Variants in HEATR1 observed in about 807,000 individuals in gnomAD.
The protein encoded by HEATR1 is HEAT repeat-containing protein 1.
Under a neutral mutation model 248.2 loss-of-function variants are expected in HEATR1, and 77 were observed. That is an observed-to-expected ratio of 0.31 (90% confidence interval 0.26 to 0.37). The LOEUF is 0.37. Among genes scored for constraint, HEATR1 ranks in the 10% least tolerant of loss-of-function variants. The pLI is 1.00. For missense variants in HEATR1, 2,420 were observed against 2,504.9 expected (o/e 0.97, Z 0.72); for synonymous variants, 897 against 923.1 (o/e 0.97, Z 0.51).
Position 236,597,965 on chromosome 1 carries a change from C to T in HEATR1, c.516G>A (p.Pro172=), listed in dbSNP as rs149502531. The T allele has an allele frequency of 2.2e-4, 354 of 1,611,814 alleles. 1 individual carries two copies. Among genetic ancestry groups the T allele is most frequent in the Admixed American group, 6.2e-4 (37 of 59,832 alleles). Residue 172 remains proline, a synonymous_variant, in exon 5 of 45, where the codon CCG becomes CCA. Transcript: ENST00000366582. ...GGGTAATCAAAGTTCCTTTAGCTAACGGCACTCCAGATTGCTGTTATTGAT... is the reference window on the plus strand; with the variant it reads ...GGGTAATCAAAGTTCCTTTAGCTAATGGCACTCCAGATTGCTGTTATTGAT... ...WLLPVKQSGV[P]LAKGTLITHC...
chr1:236,588,388 C>T (rs1663948661), intron 12 of HEATR1, among the ~76,000 whole-genome samples: 1 of 152,162 alleles, frequency 6.6e-6, no homozygotes, highest in Admixed American at 6.5e-5. Flanking sequence ...AATTTAAATC[C>T]TAGCTCTACC....
Position 236,582,884 on chromosome 1 carries a change from T to C in HEATR1, c.2426-12A>G, listed in dbSNP as rs1663790147. 15 of 1,613,482 alleles carry C rather than the reference T, an allele frequency of 9.3e-6. No individual in the cohort carries two copies. The highest frequency in any genetic ancestry group is 3.3e-5 in the South Asian group (3 of 91,078). ...CCACCATATATCACCTACAAGGACA[T>C]GGAAAGAGAAATGATGCTAGATCCT... On this transcript the variant is annotated splice_polypyrimidine_tract_variant and intron_variant, in intron 18 of 44. Transcript: ENST00000366582.
rs1034127075 is a variant in HEATR1, at chr1:236,571,741, T to A, written c.3708-55A>T. 8 of 1,300,452 alleles carry A rather than the reference T, an allele frequency of 6.2e-6. No homozygotes were observed. The East Asian group carries it at 1.8e-4, about 30-fold the overall frequency. The allele number at this position is 1,300,452 out of a possible 1,614,324, so 80.6% of individuals were successfully genotyped here. On this transcript the variant is annotated intron_variant, in intron 26 of 44. Transcript: ENST00000366582. ...GAAATGTAAAAGTTGTACAATTCAT[T>A]GTTACATTAATGGCCATTGTCCAGA... is the stretch of plus-strand genomic sequence containing the variant.
intron 19 of HEATR1, 70 bp from the exon 20 acceptor site, chr1:236,581,484 A>G (rs1307173979): frequency 3.7e-6 from 4 of 1,089,550 alleles, no homozygotes; most frequent in Non-Finnish European, 3.9e-6. Context: ...TCCTCTTCTC[A>G]CTAGTGTACA....
chr1:236,581,486 T>A, intron 19 of HEATR1, 72 bp from the exon 20 acceptor site: 1 of 1,058,002 alleles, frequency 9.5e-7, no homozygotes, highest in Non-Finnish European at 1.3e-6. Context: ...CTCTTCTCAC[T>A]AGTGTACAAT....
At position 236,596,862 on chromosome 1, in the gene HEATR1, CGAT is replaced by C. The variant is rs1664191018; in HGVS notation, c.715_717del (p.Ile239del). ...TTTTGGATATAGGGAAATAGTTTGG[CGAT>C]GATATTGTCTGATACGTCCTCTGCA... On this transcript the variant is annotated inframe_deletion, in exon 6 of 45. Transcript: ENST00000366582. 2 of 1,613,448 alleles carry C rather than the reference CGAT, an allele frequency of 1.2e-6. No individual in the cohort carries two copies. The highest frequency in any genetic ancestry group is 2.2e-5 in the East Asian group (1 of 44,854).
chr1:236,579,663 T>A (rs1331556438), intron 20 of HEATR1, among the ~76,000 whole-genome samples: 3 of 152,096 alleles, frequency 2.0e-5, no homozygotes, highest in Non-Finnish European at 2.9e-5. Context: ...CAAATATAAC[T>A]AGAAAAACCT....
rs1399502102 is a variant in HEATR1 at position 236,597,895 on chromosome 1, C to T, written c.586G>A (p.Val196Met). 3.7e-6 allele frequency: 6 copies of T among 1,612,994 alleles called. No individual in the cohort carries two copies. Among genetic ancestry groups the T allele is most frequent in the Non-Finnish European group, 4.2e-6 (5 of 1,179,350 alleles). ...CTGCTCACCTTCACAGATTTTGTCA[C>T]CAAACTGCAAATGAAATCCATGAAT... ...LGFMDFICSL[V>M]TKSVKVFAEY... Residue 196 changes from valine to methionine, a missense_variant, in exon 5 of 45, where the codon GTG (valine) becomes ATG (methionine). Val to Met is a conservative substitution (Grantham distance 21). Coordinates refer to ENST00000366582, the MANE Select transcript of HEATR1 (RefSeq NM_018072.6).
In HEATR1 at chr1:236,604,107, G is replaced by A; in HGVS notation, c.-12C>T. The stretch of plus-strand genomic sequence containing the variant: ...GCTAAGGACGTCATCTTTCACGCCA[G>A]CGGAGTTTTAATGACACGGGCTAAA... On this transcript the variant is annotated 5_prime_UTR_variant, in exon 2 of 45. Transcript: ENST00000366582. 6 of 1,549,340 alleles carry A rather than the reference G, an allele frequency of 3.9e-6. No individual in the cohort carries two copies. The highest frequency in any genetic ancestry group is 4.3e-6 in the Non-Finnish European group (5 of 1,155,934).
At position 236,587,476 on chromosome 1, in the gene HEATR1, G is replaced by A. The variant is rs367739362; in HGVS notation, c.1641C>T (p.His547=). Residue 547 remains histidine (H), a synonymous_variant, in exon 14 of 45, where the codon CAC becomes CAT. Transcript: ENST00000366582. The part of the protein sequence containing the change: ...AISAFEIFKE[H]FSSEVTISNL... Reference sequence around the variant, plus strand: ...TTGAAATCGTCACTTCTGAACTGAAGTGTTCTTTGAAAATCTAAAGGGAAA... The same window carrying A: ...TTGAAATCGTCACTTCTGAACTGAAATGTTCTTTGAAAATCTAAAGGGAAA... 1 of 1,514,336 alleles carries A rather than the reference G, an allele frequency of 6.6e-7. No homozygotes were observed. The highest frequency in any genetic ancestry group is 8.9e-7 in the Non-Finnish European group (1 of 1,122,904). 93.8% of individuals were successfully genotyped at this position (1,514,336 alleles called of 1,614,324 possible).
At chr1:236,576,145 C>A in intron 22 of HEATR1, 74 bp downstream of exon 22, 1 of 1,172,822 alleles carries the variant, frequency 8.5e-7, no homozygotes, top group Non-Finnish European at 1.2e-6. Flanking sequence ...CAATTGTCTT[C>A]TTCACCCACA....
intron 32 of HEATR1, among the ~76,000 whole-genome samples, chr1:236,562,634 G>T (rs970804491): frequency 6.6e-6 from 1 of 152,096 alleles, no homozygotes; most frequent in Admixed American, 6.5e-5. Flanking sequence ...TTACAGTTTG[G>T]TATCAATGTA....
intron 32 of HEATR1, 52 bp from the exon 33 acceptor site, chr1:236,561,323 G>A: frequency 7.3e-7 from 1 of 1,372,502 alleles, no homozygotes; most frequent in Non-Finnish European, 1.0e-6. Flanking sequence ...AATAATAAAA[G>A]TCATTTCAAG....
At chr1:236,559,900 C>G (rs987778810) in intron 33 of HEATR1, 63 bp from the exon 34 acceptor site, 6 of 1,455,052 alleles carry the variant, frequency 4.1e-6, no homozygotes, top group Non-Finnish European at 4.6e-6. Context: ...TTGTTCATGT[C>G]TACCTTATGC....
intron 14 of HEATR1, among the ~76,000 whole-genome samples, chr1:236,587,141 A>G (rs1447525071): frequency 6.6e-6 from 1 of 152,132 alleles, no homozygotes; most frequent in Non-Finnish European, 1.5e-5. Context: ...ACTTCCCAGA[A>G]TGCAATATCA....
intron 12 of HEATR1, 23 bp downstream of exon 12, chr1:236,590,824 T>C (rs1411188259): frequency 4.5e-6 from 6 of 1,326,570 alleles, no homozygotes; most frequent in Non-Finnish European, 6.1e-6. Context: ...AAAAACCATA[T>C]AAAAAAGCGA....
chr1:236,569,568 T>A (rs374450562), intron 28 of HEATR1, among the ~76,000 whole-genome samples: 7 of 152,258 alleles, frequency 4.6e-5, no homozygotes, highest in East Asian at 1.9e-4. Flanking sequence ...AAAAAATTCA[T>A]ACGAAAAGAA....
chr1:236,551,893 C>T, intron 44 of HEATR1, 106 bp downstream of exon 44: 1 of 748,886 alleles, frequency 1.3e-6, no homozygotes, highest in South Asian at 1.6e-5. Flanking sequence ...GGATCAACTG[C>T]TAGTCACGTT....
chr1:236,552,798 C>G (rs1157521954), intron 43 of HEATR1: 1 of 152,146 alleles, frequency 6.6e-6, no homozygotes, highest in Admixed American at 6.6e-5. Context: ...TATTAAAAAA[C>G]CATTTGTAAC....
Sources: allele counts gnomAD v4.1 joint callset (sites outside exome capture counted in the v4.1 genomes callset), GRCh38; gene constraint gnomAD v4.1.1; transcripts MANE v1.5; gene names NCBI Gene and HGNC (gene_info 2026-07-23, HGNC 2026-07-21).